The following BRIP1 variants were observed in gnomAD, a reference collection of about 807,000 sequenced individuals.
The protein encoded by BRIP1 is Fanconi anemia group J protein.
BRIP1 carries 88 observed loss-of-function variants against 119.7 expected under a neutral mutation model. The observed-to-expected ratio is 0.74, with a 90% CI of 0.62 to 0.88. The LOEUF is 0.88. BRIP1 is among the 40% of genes least tolerant of loss of function. BRIP1 has a pLI of 0.00. For missense variants in BRIP1, 1,259 were observed against 1,455.4 expected, an observed-to-expected ratio of 0.87 and a Z score of 2.20; for synonymous variants, 443 against 496.5, an observed-to-expected ratio of 0.89 and a Z score of 1.43.
Position 61,681,351 on chromosome 17 carries a change from A to G in BRIP1, c.*1945T>C. ...AAATCGACTCAGAATATCAACAGAC[A>G]TTCCTTTATAGATTCTCAAAGCACA... On this transcript the variant is annotated 3_prime_UTR_variant, in exon 20 of 20. Transcript: ENST00000259008. The surrounding 1 kb of genome is among the most constrained non-coding windows in gnomAD (Gnocchi z 5.1). The G allele has an allele frequency of 4.7e-6, 1 of 211,250 alleles. No individual in the cohort carries two copies. The highest frequency in any genetic ancestry group is 9.6e-6 in the Non-Finnish European group (1 of 104,136). 13.1% of individuals were successfully genotyped at this position (211,250 alleles called of 1,614,324 possible). A position where few individuals can be genotyped will look rare whatever the true frequency, so the allele number is the denominator to read the frequency against.
intron 9 of BRIP1, among the ~76,000 whole-genome samples, chr17:61,797,481 A>G (rs1359689302): frequency 6.6e-6 from 1 of 152,000 alleles, no homozygotes; most frequent in African/African-American, 2.4e-5. Flanking sequence ...GATCAAAACA[A>G]TTTGCGTAGA....
intron 17 of BRIP1, among the ~76,000 whole-genome samples, chr17:61,707,366 A>C (rs1176463514): frequency 6.6e-6 from 1 of 152,106 alleles, no homozygotes; most frequent in African/African-American, 2.4e-5. Flanking sequence ...GGGCACAGTG[A>C]AGTGCTTTGT....
At chr17:61,785,931 G>GT (rs1209747698) in intron 10 of BRIP1, among the ~76,000 whole-genome samples, 1 of 151,784 alleles carries the variant, frequency 6.6e-6, no homozygotes, top group Admixed American at 6.6e-5. Flanking sequence ...GCTGGGTTGG[G>GT]GGGGGTAGAA....
rs1016728788 is a variant in BRIP1 at position 61,804,452 on chromosome 17, G to A, written c.919-2978C>T. Among the ~76,000 whole-genome samples the A allele has an allele frequency of 7.2e-6, 1 of 139,582 alleles. No individual in the cohort carries two copies. The allele number at this position is 139,582 out of a possible 152,430, so 91.6% of individuals were successfully genotyped here. On this transcript the variant is annotated intron_variant, in intron 7 of 19. Transcript: ENST00000259008. The surrounding 1 kb of genome is among the most constrained non-coding windows in gnomAD (Gnocchi z 4.5). The stretch of plus-strand genomic sequence containing the variant: ...TGTGTGTGTGTGTGTGTGTGTATGT[G>A]TGTGTACATACACATACATATATAC...
chr17:61,700,537 G>C lies in BRIP1; in HGVS notation c.2493-7025C>G, dbSNP rs1014075204. On this transcript the variant is annotated intron_variant, in intron 17 of 19. Coordinates refer to ENST00000259008, the MANE Select transcript of BRIP1 (RefSeq NM_032043.3). The surrounding 1 kb of genome is among the most constrained non-coding windows in gnomAD (Gnocchi z 4.1). ...TGTCAATTAACTGCTTCCTGGTCTG[G>C]AGGATGTTTTGTATATGATGAGTTA... Among the ~76,000 whole-genome samples the C allele has an allele frequency of 1.4e-4, 21 of 152,086 alleles. No individual in the cohort carries two copies. The highest frequency in any genetic ancestry group is 1.4e-3 in the Admixed American group (21 of 15,272).
Position 61,804,604 on chromosome 17 carries a change from G to A in BRIP1, c.919-3130C>T, listed in dbSNP as rs1449791290. Reference sequence around the variant, plus strand: ...AGGTTTTGCCATGTTGGCCAGGCCAGTCTTGAACTCCTGACCTCAAGTGCC... The same window carrying A: ...AGGTTTTGCCATGTTGGCCAGGCCAATCTTGAACTCCTGACCTCAAGTGCC... On this transcript the variant is annotated intron_variant, in intron 7 of 19. Coordinates refer to ENST00000259008, the MANE Select transcript of BRIP1 (RefSeq NM_032043.3). This position sits in a 1 kb window ranked among gnomAD's most constrained non-coding sequence, Gnocchi z 4.5. 6.6e-6 allele frequency among the ~76,000 whole-genome samples: 1 copy of A among 151,998 alleles called. No individual in the cohort carries two copies. Among genetic ancestry groups the A allele is most frequent in the Non-Finnish European group, 1.5e-5 (1 of 67,988 alleles).
Position 61,757,174 on chromosome 17 carries a change from A to G in BRIP1, c.2098-12583T>C, listed in dbSNP as rs2077211511. ...AATGAAAAAGTAGTAGTGTTTTTTA[A>G]ATAACTTTTTTAGTTACAGTAAAAA... is the stretch of plus-strand genomic sequence containing the variant. On this transcript the variant is annotated intron_variant, in intron 14 of 19. Transcript: ENST00000259008. The surrounding 1 kb of genome is among the most constrained non-coding windows in gnomAD (Gnocchi z 4.3). 1.3e-5 allele frequency among the ~76,000 whole-genome samples: 2 copies of G among 152,236 alleles called. No individual in the cohort carries two copies. The highest frequency in any genetic ancestry group is 4.8e-5 in the African/African-American group (2 of 41,466).
rs2077345084 is a variant in BRIP1 at position 61,765,394 on chromosome 17, TA to T, written c.2097+11006del. On this transcript the variant is annotated intron_variant, in intron 14 of 19. Transcript: ENST00000259008. The stretch of plus-strand genomic sequence containing the variant: ...TGTGTATATATTATATATATATATA[TA>T]TATATATATATATATATATATATAT... Among the ~76,000 whole-genome samples the T allele has an allele frequency of 1.7e-3, 27 of 15,888 alleles. 1 individual carries two copies. The highest frequency in any genetic ancestry group is 2.9e-3 in the Admixed American group (4 of 1,384). 10.4% of individuals were successfully genotyped at this position (15,888 alleles called of 152,430 possible). A position where few individuals can be genotyped will look rare whatever the true frequency, so the allele number is the denominator to read the frequency against.
chr17:61,761,668 C>G lies in BRIP1; in HGVS notation c.2097+14733G>C, dbSNP rs2077278614. Among the ~76,000 whole-genome samples, 1 of 151,240 alleles carries G rather than the reference C, an allele frequency of 6.6e-6. No homozygotes were observed. On this transcript the variant is annotated intron_variant, in intron 14 of 19. Transcript: ENST00000259008. This position sits in a 1 kb window ranked among gnomAD's most constrained non-coding sequence, Gnocchi z 6.4. ...AAGAGAACTCCTTTTACAATAGCTA[C>G]CAAAAAGAGAGAGAAAGAAAGAAAG...
chr17:61,798,009 T>C lies in BRIP1; in HGVS notation c.1340+1091A>G, dbSNP rs1042129560. 1.3e-5 allele frequency among the ~76,000 whole-genome samples: 2 copies of C among 152,034 alleles called. No individual in the cohort carries two copies. The highest frequency in any genetic ancestry group is 2.9e-5 in the Non-Finnish European group (2 of 67,932). On this transcript the variant is annotated intron_variant, in intron 9 of 19. Transcript: ENST00000259008. The surrounding 1 kb of genome is among the most constrained non-coding windows in gnomAD (Gnocchi z 5.5). ...GCTATATCTATTGAAATTACAAATA[T>C]GTCTATGCTTTCACCCAACAATTCC...
chr17:61,779,592 T>G (rs980024420), intron 13 of BRIP1, among the ~76,000 whole-genome samples: 1 of 149,112 alleles, frequency 6.7e-6, no homozygotes, highest in Admixed American at 6.6e-5. Flanking sequence ...TGCACTCCAG[T>G]CTGGGTGACA....
Position 61,681,534 on chromosome 17 carries a change from T to G in BRIP1, c.*1762A>C. On this transcript the variant is annotated 3_prime_UTR_variant, in exon 20 of 20. Coordinates refer to ENST00000259008, the MANE Select transcript of BRIP1 (RefSeq NM_032043.3). This position sits in a 1 kb window ranked among gnomAD's most constrained non-coding sequence, Gnocchi z 5.1. Reference sequence around the variant, plus strand: ...GTCTTCTACCAGGTATTTATTCGTTTCACTACCCTACTATCCCTATCTGTG... The same window carrying G: ...GTCTTCTACCAGGTATTTATTCGTTGCACTACCCTACTATCCCTATCTGTG... The G allele has an allele frequency of 4.8e-6, 1 of 208,332 alleles. No individual in the cohort carries two copies. The highest frequency in any genetic ancestry group is 9.8e-6 in the Non-Finnish European group (1 of 101,990). The allele number at this position is 208,332 out of a possible 1,614,324, so 12.9% of individuals were successfully genotyped here.
At chr17:61,719,815 G>T (rs2061942909) in intron 16 of BRIP1, among the ~76,000 whole-genome samples, 1 of 151,404 alleles carries the variant, frequency 6.6e-6, no homozygotes, top group Non-Finnish European at 1.5e-5. Context: ...GGAGGGATGG[G>T]GAGATATTTG....
intron 10 of BRIP1, among the ~76,000 whole-genome samples, chr17:61,787,884 T>G (rs1233257378): frequency 6.6e-6 from 1 of 152,206 alleles, no homozygotes; most frequent in East Asian, 1.9e-4. Context: ...GACCTCGTGA[T>G]CTGCCCGCCT....
chr17:61,737,249 T>A (rs982730499), intron 16 of BRIP1, among the ~76,000 whole-genome samples: 3 of 152,096 alleles, frequency 2.0e-5, no homozygotes, highest in Admixed American at 2.0e-4. Context: ...ATGTAAATGG[T>A]TTAAACTCTC....
At chr17:61,685,769 A>G in intron 19 of BRIP1, 67 bp downstream of exon 19, 12 of 1,360,264 alleles carry the variant, frequency 8.8e-6, no homozygotes, top group Non-Finnish European at 1.3e-5. Context: ...TACCCAAATA[A>G]ATATCATTTC....
In BRIP1 at chr17:61,730,841, G is replaced by A. The variant is rs1277859536; in HGVS notation, c.2379+12172C>T. On this transcript the variant is annotated intron_variant, in intron 16 of 19. Transcript: ENST00000259008. The surrounding 1 kb of genome is among the most constrained non-coding windows in gnomAD (Gnocchi z 4.3). ...TCCCAAAATATCTTTTAAAAATATG[G>A]AGAATTTAAAAATTAACCTCAGCAA... Among the ~76,000 whole-genome samples, 1 of 151,942 alleles carries A rather than the reference G, an allele frequency of 6.6e-6. No individual in the cohort carries two copies. Among genetic ancestry groups the A allele is most frequent in the East Asian group, 1.9e-4 (1 of 5,196 alleles).
At chr17:61,821,410 T>C (rs2078322868) in intron 6 of BRIP1, among the ~76,000 whole-genome samples, 1 of 149,910 alleles carries the variant, frequency 6.7e-6, no homozygotes, top group Non-Finnish European at 1.5e-5. Flanking sequence ...GAGTTTTTCT[T>C]TTTGATTCAG....
chr17:61,716,811 C>CGAAG, intron 16 of BRIP1, among the ~76,000 whole-genome samples: 1 of 150,322 alleles, frequency 6.7e-6, no homozygotes, highest in Non-Finnish European at 1.5e-5. Flanking sequence ...TAATATGCTT[C>CGAAG]CATATTATTT....
Sources: allele counts gnomAD v4.1 joint callset (sites outside exome capture counted in the v4.1 genomes callset), GRCh38; gene constraint gnomAD v4.1.1; non-coding constraint Gnocchi (gnomAD v3.1); transcripts MANE v1.5; gene names NCBI Gene and HGNC (gene_info 2026-07-23, HGNC 2026-07-21).